ALS2: variants seen among roughly 807,000 people sequenced by gnomAD.
ALS2 encodes alsin.
ALS2 carries 117 observed loss-of-function variants against 203.4 expected under a neutral mutation model. That is an observed-to-expected ratio of 0.58 (90% CI 0.50 to 0.67). The LOEUF is 0.67. ALS2 is among the 30% of genes least tolerant of loss of function. The pLI, the probability that ALS2 is intolerant of heterozygous loss-of-function variation, is 0.00. For missense variants in ALS2, 1,715 were observed against 1,989.4 expected (o/e 0.86, Z 2.62); for synonymous variants, 718 against 725.9 (o/e 0.99, Z 0.17).
At chr2:201,768,781 T>C in intron 2 of ALS2, 85 bp downstream of exon 2, 1 of 1,337,686 alleles carries the variant, frequency 7.5e-7, no homozygotes, top group African/African-American at 1.5e-5. Flanking sequence ...AACAAGAAAA[T>C]TAAACTGAAG....
chr2:201,748,817 A>G (rs532431316), intron 8 of ALS2, among the ~76,000 whole-genome samples: 1 of 152,370 alleles, frequency 6.6e-6, no homozygotes, highest in African/African-American at 2.4e-5. Context: ...GCATGTAAAA[A>G]TCTTAAATAG....
chr2:201,706,318 G>A (rs1689709071), intron 29 of ALS2, among the ~76,000 whole-genome samples: 1 of 151,800 alleles, frequency 6.6e-6, no homozygotes, highest in African/African-American at 2.4e-5. Flanking sequence ...CTTGGGAGGT[G>A]GAGGTTGCAG....
At position 201,736,467 on chromosome 2, in the gene ALS2, T is replaced by C. The variant is rs149241922; in HGVS notation, c.2417+2203A>G. ...TGTAAGATTCAGCTAAAGCAACAAT[T>C]AGAGGGAAATTTATAGCCTTAAATG... On this transcript the variant is annotated intron_variant, in intron 12 of 33. Coordinates refer to ENST00000264276, the MANE Select transcript of ALS2 (RefSeq NM_020919.4). Among the ~76,000 whole-genome samples, 1,008 of 152,132 alleles carry C rather than the reference T, an allele frequency of 6.6e-3. 9 individuals carry two copies. Among genetic ancestry groups the C allele is most frequent in the Middle Eastern group, 0.014 (4 of 294 alleles).
intron 24 of ALS2, among the ~76,000 whole-genome samples, chr2:201,717,174 G>C (rs1690457264): frequency 6.6e-6 from 1 of 151,892 alleles, no homozygotes; most frequent in East Asian, 1.9e-4. Flanking sequence ...ATTTAAGAAT[G>C]CTCTTTCAGG....
chr2:201,768,770 C>A, intron 2 of ALS2, 96 bp downstream of exon 2: 1 of 1,249,158 alleles, frequency 8.0e-7, no homozygotes, highest in Non-Finnish European at 1.2e-6. Context: ...TAACAACCAT[C>A]AACAAGAAAA....
At chr2:201,730,758 T>C (rs1691504126) in intron 13 of ALS2, among the ~76,000 whole-genome samples, 1 of 152,234 alleles carries the variant, frequency 6.6e-6, no homozygotes, top group Non-Finnish European at 1.5e-5. Context: ...GTACTTTGCA[T>C]GTCACCACAC....
intron 1 of ALS2, chr2:201,780,130 G>C (rs41308796): frequency 1.3e-5 from 2 of 152,218 alleles, no homozygotes; most frequent in East Asian, 3.8e-4. Flanking sequence ...ACTTCAACAA[G>C]AGTGTTTTTT....
chr2:201,727,654 C>T (rs1691269788), intron 16 of ALS2, 51 bp downstream of exon 16: 2 of 1,456,600 alleles, frequency 1.4e-6, no homozygotes, highest in Non-Finnish European at 1.9e-6. Flanking sequence ...AAGGAAGCAA[C>T]CTGGGTAACA....
In ALS2 at chr2:201,723,430, T is replaced by C; in HGVS notation, c.3524A>G (p.Tyr1175Cys). 6.2e-7 allele frequency: 1 copy of C among 1,613,576 alleles called. No individual in the cohort carries two copies. Among genetic ancestry groups the C allele is most frequent in the Non-Finnish European group, 8.5e-7 (1 of 1,179,504 alleles). The change falls in exon 22 of 34, where the codon TAT becomes TGT. Residue 1175 changes from tyrosine to cysteine, a missense_variant. Physicochemically the swap from Tyr to Cys is radical, Grantham distance 194 (BLOSUM62 -2). Around this residue, in one of 3 missense-constraint regions of ALS2, gnomAD observed 1,227 missense variants for 1,413.5 expected, o/e 0.87. Transcript: ENST00000264276. ...VFDDITRGEK[Y>C]MGMWQDDVCQ... Reference sequence around the variant, plus strand: ...CACATCATCTTGCCACATTCCCATATACTTTTCCCCCCTGCACAGAAATAA... The same window carrying C: ...CACATCATCTTGCCACATTCCCATACACTTTTCCCCCCTGCACAGAAATAA...
In ALS2 at chr2:201,739,549, C is replaced by G. The variant is rs186960146; in HGVS notation, c.2352-814G>C. On this transcript the variant is annotated intron_variant, in intron 11 of 33. Transcript: ENST00000264276. ...CCTGAGGTCAGGAGTTCGAGACCAG[C>G]CTGGCCAACATGGTGAAACCCCGTC... Among the ~76,000 whole-genome samples the G allele has an allele frequency of 6.2e-3, 940 of 151,908 alleles. 4 individuals carry two copies. Among genetic ancestry groups the G allele is most frequent in the Non-Finnish European group, 8.9e-3 (608 of 67,968 alleles).
At position 201,753,210 on chromosome 2, in the gene ALS2, C is replaced by T. The variant is rs1007919446; in HGVS notation, c.1673G>A (p.Gly558Asp). Reference sequence around the variant, plus strand: ...TGCCTCCAGATGGATTACTTCTTTGCCATCCAGACATTTTACACACAACGG... The same window carrying T: ...TGCCTCCAGATGGATTACTTCTTTGTCATCCAGACATTTTACACACAACGG... ...LQPLCVKCLD[G>D]KEVIHLEAGG... The change falls in exon 7 of 34, where the codon GGC becomes GAC. Residue 558 changes from glycine (G) to aspartate (D), a missense_variant. By Grantham distance (94) the Gly-to-Asp change is moderately conservative. Coordinates refer to ENST00000264276, the MANE Select transcript of ALS2 (RefSeq NM_020919.4). 29 of 1,613,904 alleles carry T rather than the reference C, an allele frequency of 1.8e-5. No homozygotes were observed. The highest frequency in any genetic ancestry group is 2.5e-5 in the Non-Finnish European group (29 of 1,179,970).
At position 201,707,895 on chromosome 2, in the gene ALS2, A is replaced by G; in HGVS notation, c.4377T>C (p.Asp1459=). The part of the protein sequence containing the change: ...ERKSFCTGKS[D]SRSESPEPGY... ...CTGGCTCTGGTGATTCAGATCGGGA[A>G]TCTGACTTCCCAGTGCAAAAAGACT... The change falls in exon 28 of 34, where the codon GAT becomes GAC. Residue 1459 remains aspartate (D), a synonymous_variant. Transcript: ENST00000264276. The G allele has an allele frequency of 1.9e-6, 3 of 1,613,590 alleles. 1 individual carries two copies. In the South Asian group the frequency reaches 3.3e-5, roughly 18 times the overall value.
At chr2:201,765,079 C>T (rs1694008721) in intron 3 of ALS2, among the ~76,000 whole-genome samples, 1 of 152,138 alleles carries the variant, frequency 6.6e-6, no homozygotes, top group Middle Eastern at 3.4e-3. Context: ...CTGCACGCAG[C>T]TTTGGTCTCC....
intron 5 of ALS2, among the ~76,000 whole-genome samples, chr2:201,755,603 C>T (rs1258179443): frequency 6.6e-6 from 1 of 152,004 alleles, no homozygotes; most frequent in Non-Finnish European, 1.5e-5. Context: ...AAGTCAAGGT[C>T]TAAGTTGAAA....
At chr2:201,729,315 C>T (rs1166565655) in intron 13 of ALS2, 132 bp from the exon 14 acceptor site, 3 of 1,013,008 alleles carry the variant, frequency 3.0e-6, no homozygotes, top group African/African-American at 1.6e-5. Context: ...GCATAAGTAG[C>T]ACACTGCAGG....
At chr2:201,743,910 T>C (rs1692458710) in intron 10 of ALS2, among the ~76,000 whole-genome samples, 1 of 152,216 alleles carries the variant, frequency 6.6e-6, no homozygotes, top group Non-Finnish European at 1.5e-5. Flanking sequence ...TACTGGAAGA[T>C]CTCTTAGGAC....
intron 23 of ALS2, among the ~76,000 whole-genome samples, chr2:201,719,418 G>A (rs547294815): frequency 6.6e-6 from 1 of 152,142 alleles, no homozygotes; most frequent in East Asian, 1.9e-4. Context: ...GTGAAGCCCC[G>A]TCTCTACTAA....
chr2:201,753,325 G>A (rs1339245922), intron 6 of ALS2, 83 bp from the exon 7 acceptor site: 73 of 1,113,962 alleles, frequency 6.6e-5, no homozygotes, highest in South Asian at 5.3e-4. Flanking sequence ...AAGTGCTGTC[G>A]TGTAAAAATA....
chr2:201,764,662 TAAATAA>T (rs1490950309), intron 3 of ALS2, among the ~76,000 whole-genome samples: 5 of 150,718 alleles, frequency 3.3e-5, no homozygotes, highest in Admixed American at 6.6e-5. Flanking sequence ...AATAAATAAA[TAAATAA>T]ATAAATAAAT....
Sources: gnomAD v4.1 joint callset for allele counts (sites outside exome capture counted in the v4.1 genomes callset) on GRCh38, gnomAD v4.1.1 for gene constraint, gnomAD v4.1.1 regional missense constraint, MANE v1.5 for transcripts, NCBI Gene and HGNC (gene_info 2026-07-23, HGNC 2026-07-21) for gene names.